RIT2: variants seen among roughly 807,000 people sequenced by gnomAD.
RIT2 encodes GTP-binding protein Rit2.
RIT2 carries 24 observed loss-of-function variants against 23.7 expected under a neutral mutation model. That is an observed-to-expected ratio of 1.01 (90% CI 0.73 to 1.43). The LOEUF is 1.43. Ranked by LOEUF, RIT2 falls within the 40% of genes most tolerant of loss-of-function variation. The pLI is 0.00. For missense variants in RIT2, 236 were observed against 266.9 expected (o/e 0.88, Z 0.81); for synonymous variants, 107 against 91.1 (o/e 1.17, Z -0.99).
chr18:43,009,541 G>T (rs1911303606), intron 2 of RIT2, among the ~76,000 whole-genome samples: 1 of 151,668 alleles, frequency 6.6e-6, no homozygotes, highest in Admixed American at 6.6e-5. Flanking sequence ...GAAGTTCAGA[G>T]AAATTAGGCA....
At chr18:43,081,146 T>C (rs1913148421) in intron 1 of RIT2, among the ~76,000 whole-genome samples, 1 of 152,178 alleles carries the variant, frequency 6.6e-6, no homozygotes, top group Admixed American at 6.6e-5. Flanking sequence ...CACATATAGA[T>C]CTATTAATGG....
chr18:43,086,482 GAGAATTTACATGTGA>G (rs1367524139), intron 1 of RIT2, among the ~76,000 whole-genome samples: 1 of 152,140 alleles, frequency 6.6e-6, no homozygotes, highest in Non-Finnish European at 1.5e-5. Context: ...GGAGCTGTTG[GAGAATTTACATGTGA>G]ATAGCAGGGT....
At chr18:42,827,953 G>A (rs1906346209) in intron 4 of RIT2, among the ~76,000 whole-genome samples, 1 of 132,576 alleles carries the variant, frequency 7.5e-6, no homozygotes, top group Non-Finnish European at 1.5e-5. Context: ...TGCAGTGAAT[G>A]AGATCGCGCC....
rs139009628 is a variant in RIT2, at chr18:43,040,146, G to A, written c.104-6279C>T. On this transcript the variant is annotated intron_variant, in intron 1 of 4. Coordinates refer to ENST00000326695, the MANE Select transcript of RIT2 (RefSeq NM_002930.4). ...AACACCTATTGAGCATCTACTGTGT[G>A]CTAGATATTGGCAATACCAAATAAA... Among the ~76,000 whole-genome samples the A allele has an allele frequency of 5.0e-4, 76 of 152,250 alleles. No individual in the cohort carries two copies. In the East Asian group the frequency reaches 0.014, roughly 28 times the overall value.
At chr18:42,759,439 G>T (rs190046891) in intron 4 of RIT2, among the ~76,000 whole-genome samples, 8 of 152,108 alleles carry the variant, frequency 5.3e-5, no homozygotes, top group Non-Finnish European at 1.2e-4. Flanking sequence ...TTCAATATTG[G>T]AATTGGCATT....
chr18:43,028,140 T>C (rs1186144045), intron 2 of RIT2, among the ~76,000 whole-genome samples: 9 of 152,080 alleles, frequency 5.9e-5, no homozygotes, highest in Non-Finnish European at 1.2e-4. Context: ...AGCTGTGTGC[T>C]GATATAGGAA....
chr18:42,778,540 G>GA lies in RIT2; in HGVS notation c.427-34821dup, dbSNP rs1235406520. ...TGAACACAATAAATATATTTTAACA[G>GA]AAAAATGATAACCCATGTACATGGG... On this transcript the variant is annotated intron_variant, in intron 4 of 4. Transcript: ENST00000326695. Among the ~76,000 whole-genome samples the GA allele has an allele frequency of 3.3e-5, 5 of 152,190 alleles. No homozygotes were observed. The East Asian group carries it at 5.8e-4, about 18-fold the overall frequency.
chr18:42,885,149 G>A lies in RIT2; in HGVS notation c.426+38423C>T, dbSNP rs565733725. Among the ~76,000 whole-genome samples the A allele has an allele frequency of 4.6e-5, 7 of 152,324 alleles. No homozygotes were observed. In the East Asian group the frequency reaches 1.4e-3, roughly 29 times the overall value. On this transcript the variant is annotated intron_variant, in intron 4 of 4. Transcript: ENST00000326695. Reference sequence around the variant, plus strand: ...TTGCTGGCAGCAAAATAAAATGAGAGCATTGAAATGGAAATAGAAAATAGA... The same window carrying A: ...TTGCTGGCAGCAAAATAAAATGAGAACATTGAAATGGAAATAGAAAATAGA...
intron 4 of RIT2, among the ~76,000 whole-genome samples, chr18:42,808,546 TTTGAA>T (rs1272672065): frequency 6.6e-6 from 1 of 151,790 alleles, no homozygotes; most frequent in African/African-American, 2.4e-5. Context: ...GTAAATATCT[TTTGAA>T]TTAATAAGTT....
chr18:42,923,604 C>A lies in RIT2; in HGVS notation c.394G>T (p.Gly132Cys). The change falls in exon 4 of 5, where the codon GGT (glycine) becomes TGT (cysteine). Residue 132 changes from glycine to cysteine, a missense_variant. Coordinates refer to ENST00000326695, the MANE Select transcript of RIT2 (RefSeq NM_002930.4). ...HTYEIPLVLVGNKIDLEQFRQ... is the reference protein window; with the variant it reads ...HTYEIPLVLVCNKIDLEQFRQ... The stretch of plus-strand genomic sequence containing the variant: ...AACTGTTCCAGATCAATTTTGTTAC[C>A]CACCAGCACCAGGGGAATTTCATAG... 1 of 1,613,178 alleles carries A rather than the reference C, an allele frequency of 6.2e-7. No individual in the cohort carries two copies.
intron 4 of RIT2, among the ~76,000 whole-genome samples, chr18:42,921,027 C>T (rs1909043893): frequency 6.6e-6 from 1 of 151,848 alleles, no homozygotes; most frequent in African/African-American, 2.4e-5. Flanking sequence ...GTGTTTTAGT[C>T]TTAATTTTGT....
rs1469068931 is a variant in RIT2, at chr18:42,925,764, T to C, written c.235-2001A>G. Among the ~76,000 whole-genome samples, 8 of 151,692 alleles carry C rather than the reference T, an allele frequency of 5.3e-5. No individual in the cohort carries two copies. The East Asian group carries it at 1.5e-3, about 29-fold the overall frequency. ...AACTTTACACTACTGTCTGTGTACA[T>C]ACAAGCATATACATATTCCTTCTTC... On this transcript the variant is annotated intron_variant, in intron 3 of 4. Transcript: ENST00000326695.
intron 4 of RIT2, among the ~76,000 whole-genome samples, chr18:42,802,025 C>G (rs1905553247): frequency 6.6e-6 from 1 of 152,072 alleles, no homozygotes; most frequent in Non-Finnish European, 1.5e-5. Context: ...TAATTTTTAT[C>G]TGACTTATTA....
chr18:43,061,669 G>A (rs535784259), intron 1 of RIT2, among the ~76,000 whole-genome samples: 3 of 152,014 alleles, frequency 2.0e-5, no homozygotes, highest in South Asian at 2.1e-4. Context: ...TTCCAAGACC[G>A]TCCACAGACC....
chr18:43,016,675 T>C (rs1911482885), intron 2 of RIT2, among the ~76,000 whole-genome samples: 1 of 151,866 alleles, frequency 6.6e-6, no homozygotes, highest in Non-Finnish European at 1.5e-5. Context: ...AGAATGCACA[T>C]TATGGGACTA....
intron 4 of RIT2, among the ~76,000 whole-genome samples, chr18:42,744,957 G>A (rs1461660376): frequency 2.6e-5 from 4 of 152,096 alleles, no homozygotes; most frequent in East Asian, 1.9e-4. Flanking sequence ...GCCAGGGACC[G>A]TGTCTGTCTC....
chr18:42,812,937 A>C (rs1198951539), intron 4 of RIT2, among the ~76,000 whole-genome samples: 2 of 152,214 alleles, frequency 1.3e-5, no homozygotes, highest in Non-Finnish European at 2.9e-5. Flanking sequence ...TAAACTATTA[A>C]GTTTCTAATG....
At chr18:43,114,257 T>C (rs1189266344) in intron 1 of RIT2, among the ~76,000 whole-genome samples, 2 of 152,156 alleles carry the variant, frequency 1.3e-5, no homozygotes, top group African/African-American at 2.4e-5. Context: ...AGAATTCTCT[T>C]TTGTAGGGTG....
chr18:42,888,530 AT>A (rs566469483), intron 4 of RIT2, among the ~76,000 whole-genome samples: 1 of 141,984 alleles, frequency 7.0e-6, no homozygotes, highest in Admixed American at 7.0e-5. Flanking sequence ...TTTTTTTTTT[AT>A]TTTTTTTCTT....
Sources: allele counts gnomAD v4.1 joint callset (sites outside exome capture counted in the v4.1 genomes callset), GRCh38; gene constraint gnomAD v4.1.1; transcripts MANE v1.5; gene names NCBI Gene and HGNC (gene_info 2026-07-23, HGNC 2026-07-21).